Variants in GALC observed in about 807,000 individuals in gnomAD.
The protein encoded by GALC is galactosylceramidase, also known as galactocerebrosidase.
Under a neutral mutation model 91.8 loss-of-function variants are expected in GALC, and 77 were observed. The observed-to-expected ratio is 0.84, with a 90% CI of 0.70 to 1.01. The LOEUF is 1.01. Among genes scored for constraint, GALC ranks in the 50% least tolerant of loss-of-function variants. The probability of loss-of-function intolerance (pLI) is 0.00; values close to 1 mark genes in which losing one functional copy is unlikely to be tolerated. For missense variants in GALC, 882 were observed against 855.9 expected (o/e 1.03, Z -0.38); for synonymous variants, 357 against 306.7 (o/e 1.16, Z -1.71).
chr14:87,947,667 G>T, intron 13 of GALC, 61 bp downstream of exon 13: 1 of 1,511,510 alleles, frequency 6.6e-7, no homozygotes, highest in Non-Finnish European at 9.2e-7. Context: ...TTGACAGGTA[G>T]AAATCAACAC....
At chr14:87,968,592 G>T (rs970055843) in intron 7 of GALC, 102 bp from the exon 8 acceptor site, 75 of 1,158,928 alleles carry the variant, frequency 6.5e-5, no homozygotes, top group Non-Finnish European at 9.4e-5. Flanking sequence ...CTTCTCCAAG[G>T]TTTTCTATTT....
chr14:87,950,778 A>ATTTGGAT, intron 10 of GALC, 30 bp from the exon 11 acceptor site: 1 of 1,456,144 alleles, frequency 6.9e-7, no homozygotes, highest in Non-Finnish European at 9.6e-7. Flanking sequence ...TACATTATCC[A>ATTTGGAT]AATGATGTAT....
chr14:87,937,908 T>C (rs1393802060), intron 16 of GALC, among the ~76,000 whole-genome samples: 1 of 146,376 alleles, frequency 6.8e-6, no homozygotes, highest in Non-Finnish European at 1.5e-5. Flanking sequence ...TGTTCTCTCA[T>C]GGGGAAACAC....
intron 10 of GALC, among the ~76,000 whole-genome samples, chr14:87,956,574 TAC>T (rs1233500068): frequency 1.4e-5 from 2 of 138,224 alleles, no homozygotes; most frequent in African/African-American, 2.6e-5. Flanking sequence ...TATATATATA[TAC>T]ACACACACCA....
chr14:87,968,486 G>C lies in GALC; in HGVS notation c.757C>G (p.His253Asp). Residue 253 changes from histidine to aspartate, a missense_variant, in exon 8 of 17, where the codon CAT becomes GAT. Transcript: ENST00000261304. ...LFKVVDVIGAHYPGTHSAKDA... is the reference protein window; with the variant it reads ...LFKVVDVIGADYPGTHSAKDA... Reference sequence around the variant, plus strand: ...TTTGCTGAATGGGTTCCAGGATAATGAGCCCTAGAAAAAAAAAGGGTGGAA... The same window carrying C: ...TTTGCTGAATGGGTTCCAGGATAATCAGCCCTAGAAAAAAAAAGGGTGGAA... The C allele has an allele frequency of 6.2e-7, 1 of 1,613,476 alleles. No individual in the cohort carries two copies. Among genetic ancestry groups the C allele is most frequent in the Non-Finnish European group, 8.5e-7 (1 of 1,179,754 alleles).
intron 10 of GALC, chr14:87,955,082 G>A: frequency 7.5e-7 from 1 of 1,336,538 alleles, no homozygotes; most frequent in Non-Finnish European, 1.1e-6. Flanking sequence ...GCAGAACCTT[G>A]TGTATCAAAG....
In GALC at chr14:87,934,463, C is replaced by T; in HGVS notation, c.*269G>A. The T allele has an allele frequency of 2.2e-6, 3 of 1,353,194 alleles. No homozygotes were observed. Among genetic ancestry groups the T allele is most frequent in the Non-Finnish European group, 2.9e-6 (3 of 1,050,716 alleles). The allele number at this position is 1,353,194 out of a possible 1,614,324, so 83.8% of individuals were successfully genotyped here. A position where few individuals can be genotyped will look rare whatever the true frequency, so the allele number is the denominator to read the frequency against. Reference sequence around the variant, plus strand: ...GGCTTCGAGGTCTGTACTACTCAAACCACTCCTAAGGGTATGGCCAATGCA... The same window carrying T: ...GGCTTCGAGGTCTGTACTACTCAAATCACTCCTAAGGGTATGGCCAATGCA... On this transcript the variant is annotated 3_prime_UTR_variant, in exon 17 of 17. Transcript: ENST00000261304.
intron 5 of GALC, among the ~76,000 whole-genome samples, chr14:87,984,188 A>G (rs1002655931): frequency 1.3e-5 from 2 of 151,800 alleles, no homozygotes; most frequent in Non-Finnish European, 2.9e-5. Context: ...CACTCAACAC[A>G]GTTTTCAAAA....
chr14:87,992,283 A>G, intron 1 of GALC: 2 of 1,535,588 alleles, frequency 1.3e-6, no homozygotes, highest in Non-Finnish European at 1.7e-6. Flanking sequence ...ATACAAAACC[A>G]AAAAACAAAA....
chr14:87,992,843 C>A (rs1459213188), intron 1 of GALC, 127 bp downstream of exon 1: 1 of 1,405,658 alleles, frequency 7.1e-7, no homozygotes, highest in South Asian at 1.6e-5. Flanking sequence ...CTGACTGGCA[C>A]CCTAGGGGAA....
In GALC at chr14:87,976,480, T is replaced by G; in HGVS notation, c.630A>C (p.Arg210Ser). The change falls in exon 7 of 17, where the codon AGA becomes AGC. Residue 210 changes from arginine to serine, a missense_variant. Transcript: ENST00000261304. Reference protein sequence around the residue: ...SYNANYIKILRKMLNYQGLQR... With the variant: ...SYNANYIKILSKMLNYQGLQR... ...GGAGACCTTGATAATTCAGCATTTT[T>G]CTTAATATCTTTTGGAGTAAGAAAC... is the stretch of plus-strand genomic sequence containing the variant. 6.2e-7 allele frequency: 1 copy of G among 1,612,370 alleles called. No individual in the cohort carries two copies. The highest frequency in any genetic ancestry group is 2.2e-5 in the East Asian group (1 of 44,864).
intron 16 of GALC, among the ~76,000 whole-genome samples, chr14:87,937,153 G>A (rs1884608844): frequency 1.3e-5 from 2 of 151,618 alleles, no homozygotes; most frequent in African/African-American, 4.8e-5. Context: ...TTTGGAATAT[G>A]GGCAACATAG....
intron 6 of GALC, among the ~76,000 whole-genome samples, chr14:87,979,102 G>A (rs1024479747): frequency 1.3e-5 from 2 of 151,944 alleles, no homozygotes; most frequent in Admixed American, 6.6e-5. Context: ...AGTGCTCACT[G>A]AAACCTCTGC....
chr14:87,934,933 T>A, intron 16 of GALC, 55 bp from the exon 17 acceptor site: 1 of 1,353,922 alleles, frequency 7.4e-7, no homozygotes, highest in Non-Finnish European at 1.1e-6. Flanking sequence ...TCCTCTGAAG[T>A]CTGTTTCTTG....
chr14:87,992,345 T>A, intron 1 of GALC: 5 of 1,535,410 alleles, frequency 3.3e-6, no homozygotes, highest in Non-Finnish European at 4.4e-6. Context: ...CCAGAGGGAG[T>A]ACCCGGTAGT....
In GALC at chr14:87,934,575, G is replaced by C. The variant is rs1884488713; in HGVS notation, c.*157C>G. 6 of 1,493,228 alleles carry C rather than the reference G, an allele frequency of 4.0e-6. No individual in the cohort carries two copies. The highest frequency in any genetic ancestry group is 3.5e-6 in the Non-Finnish European group (4 of 1,127,642). The allele number at this position is 1,493,228 out of a possible 1,614,324, so 92.5% of individuals were successfully genotyped here. On this transcript the variant is annotated 3_prime_UTR_variant, in exon 17 of 17. Coordinates refer to ENST00000261304, the MANE Select transcript of GALC (RefSeq NM_000153.4). Reference sequence around the variant, plus strand: ...ATTAATTCTAATAAAATCTTCCACAGGGTAAATTAAAAATAAATTTCTCTC... The same window carrying C: ...ATTAATTCTAATAAAATCTTCCACACGGTAAATTAAAAATAAATTTCTCTC...
At position 87,992,113 on chromosome 14, in the gene GALC, A is replaced by G. The variant is rs570870148; in HGVS notation, c.195+857T>C. Reference sequence around the variant, plus strand: ...AAAAAATTTCCCCTAGCAGAAGGTTATATCTTGTGGTCACACTACAGACCA... The same window carrying G: ...AAAAAATTTCCCCTAGCAGAAGGTTGTATCTTGTGGTCACACTACAGACCA... On this transcript the variant is annotated intron_variant, in intron 1 of 16. Transcript: ENST00000261304. Among the ~76,000 whole-genome samples the G allele has an allele frequency of 7.8e-4, 119 of 152,318 alleles. 1 individual carries two copies. The highest frequency in any genetic ancestry group is 2.7e-3 in the East Asian group (14 of 5,180).
chr14:87,976,604 CTTT>C (rs1886503503), intron 6 of GALC, 116 bp from the exon 7 acceptor site: 1 of 884,858 alleles, frequency 1.1e-6, no homozygotes, highest in East Asian at 2.6e-5. Context: ...ATAATAGCTT[CTTT>C]TGTTTGTTTG....
At position 87,934,847 on chromosome 14, in the gene GALC, T is replaced by C; in HGVS notation, c.1943A>G (p.Lys648Arg). ...GHFTSGMLNDKSLWTDIPVNF... is the reference protein window; with the variant it reads ...GHFTSGMLNDRSLWTDIPVNF... ...CACAGGGATGTCTGTCCACAGAGACTTGTCATTCAGCATGCCAGAGGTGAA... is the reference window on the plus strand; with the variant it reads ...CACAGGGATGTCTGTCCACAGAGACCTGTCATTCAGCATGCCAGAGGTGAA... Residue 648 changes from lysine (K) to arginine (R), a missense_variant, in exon 17 of 17, where the codon AAG becomes AGG. Transcript: ENST00000261304. 2 of 1,612,770 alleles carry C rather than the reference T, an allele frequency of 1.2e-6. No homozygotes were observed. The highest frequency in any genetic ancestry group is 1.7e-6 in the Non-Finnish European group (2 of 1,179,038).
Sources: allele counts gnomAD v4.1 joint callset (sites outside exome capture counted in the v4.1 genomes callset), GRCh38; gene constraint gnomAD v4.1.1; transcripts MANE v1.5; gene names NCBI Gene and HGNC (gene_info 2026-07-23, HGNC 2026-07-21).